The following ZFHX3 variants were observed in gnomAD, a reference collection of about 807,000 sequenced individuals.
The protein encoded by ZFHX3 is zinc finger homeobox protein 3.
ZFHX3 carries 42 observed loss-of-function variants against 279.1 expected under a neutral mutation model. That is an observed-to-expected ratio of 0.15 (90% CI 0.12 to 0.19). The LOEUF (loss-of-function observed/expected upper bound fraction) is 0.19. ZFHX3 is among the 10% of genes least tolerant of loss of function. The pLI is 1.00. For synonymous variants in ZFHX3, 2,293 were observed against 1,957.8 expected, an observed-to-expected ratio of 1.17 and a Z score of -4.52; for missense variants, 4,981 against 4,754.0, an observed-to-expected ratio of 1.05 and a Z score of -1.40.
chr16:73,362,752 A>G lies in ZFHX3; in HGVS notation c.-1290-44416T>C, dbSNP rs552561701. Among the ~76,000 whole-genome samples, 20 of 152,372 alleles carry G rather than the reference A, an allele frequency of 1.3e-4. No homozygotes were observed. In the South Asian group the frequency reaches 4.1e-3, roughly 32 times the overall value. ...CCATCCTTATCTCCTGGAGGTGAAA[A>G]TGAATAATAACATCACTCTAATGTG... On this transcript the variant is annotated intron_variant, in intron 3 of 17. Coordinates refer to the ZFHX3 transcript ENST00000641206.
chr16:73,310,423 G>A (rs916652346), intron 4 of ZFHX3, among the ~76,000 whole-genome samples: 3 of 152,152 alleles, frequency 2.0e-5, no homozygotes, highest in African/African-American at 7.2e-5. Flanking sequence ...GTCTGCACTC[G>A]GGGTCACTGC....
intron 3 of ZFHX3, among the ~76,000 whole-genome samples, chr16:73,358,108 C>G: frequency 6.6e-6 from 1 of 152,214 alleles, no homozygotes; most frequent in East Asian, 1.9e-4. Flanking sequence ...CTGTATCTGT[C>G]AAGTGTCAGC....
At chr16:73,750,398 T>C (rs929793335) in intron 1 of ZFHX3, among the ~76,000 whole-genome samples, 2 of 152,204 alleles carry the variant, frequency 1.3e-5, no homozygotes, top group Non-Finnish European at 2.9e-5. Flanking sequence ...ACTATTATCA[T>C]GATAATCGCA....
chr16:73,420,571 T>G (rs901637538), intron 3 of ZFHX3: 1 of 152,250 alleles, frequency 6.6e-6, no homozygotes, highest in South Asian at 2.1e-4. Flanking sequence ...CAAGACGGAA[T>G]AACCCTGCTT....
intron 1 of ZFHX3, among the ~76,000 whole-genome samples, chr16:73,007,213 C>T (rs1963738277): frequency 6.6e-6 from 1 of 152,176 alleles, no homozygotes; most frequent in Non-Finnish European, 1.5e-5. Flanking sequence ...TTTTATCTGG[C>T]ATTTTTGCAT....
At chr16:73,115,660 G>A (rs7187836) in intron 7 of ZFHX3, among the ~76,000 whole-genome samples, 1 of 151,882 alleles carries the variant, frequency 6.6e-6, no homozygotes, top group African/African-American at 2.4e-5. Context: ...AAGGGCAGGC[G>A]TAGGGCTAGA....
chr16:73,622,777 G>C (rs1420009299), intron 2 of ZFHX3, among the ~76,000 whole-genome samples: 1 of 152,140 alleles, frequency 6.6e-6, no homozygotes, highest in Admixed American at 6.5e-5. Context: ...CCCTGCAAGA[G>C]GGACCCTGAA....
At chr16:73,257,553 C>G (rs1221569327) in intron 4 of ZFHX3, among the ~76,000 whole-genome samples, 1 of 152,184 alleles carries the variant, frequency 6.6e-6, no homozygotes, top group Non-Finnish European at 1.5e-5. Context: ...GAAGGCAAGC[C>G]AAGAAGAGTG....
chr16:73,158,271 G>C (rs1259792339), intron 5 of ZFHX3, among the ~76,000 whole-genome samples: 1 of 152,052 alleles, frequency 6.6e-6, no homozygotes, highest in Non-Finnish European at 1.5e-5. Context: ...CCAGCCAGGA[G>C]TTCAGGAGAT....
intron 1 of ZFHX3, among the ~76,000 whole-genome samples, chr16:73,886,966 G>A (rs2030366948): frequency 6.6e-6 from 1 of 152,134 alleles, no homozygotes; most frequent in Admixed American, 6.5e-5. Context: ...GCCCTTAGGT[G>A]ATGAGAAAAT....
chr16:73,723,342 T>C (rs967651474), intron 1 of ZFHX3, among the ~76,000 whole-genome samples: 4 of 152,240 alleles, frequency 2.6e-5, no homozygotes, highest in African/African-American at 4.8e-5. Flanking sequence ...ATAATGATAT[T>C]GATTCCAGTG....
intron 5 of ZFHX3, among the ~76,000 whole-genome samples, chr16:73,166,123 A>G (rs1967359421): frequency 6.6e-6 from 1 of 152,188 alleles, no homozygotes; most frequent in African/African-American, 2.4e-5. Context: ...ATTGGACCTA[A>G]GTAAATTATT....
chr16:73,555,266 T>G (rs1348145211), intron 2 of ZFHX3, among the ~76,000 whole-genome samples: 1 of 152,048 alleles, frequency 6.6e-6, no homozygotes, highest in African/African-American at 2.4e-5. Context: ...GCGATTCTCC[T>G]GCCTCAGCCT....
chr16:72,835,994 A>G (rs1451484201), intron 4 of ZFHX3, among the ~76,000 whole-genome samples: 2 of 152,192 alleles, frequency 1.3e-5, no homozygotes, highest in East Asian at 3.8e-4. Context: ...TAAGGCCTAG[A>G]CCACTTATTT....
At chr16:72,866,826 C>A (rs1372596164) in intron 4 of ZFHX3, among the ~76,000 whole-genome samples, 5 of 152,116 alleles carry the variant, frequency 3.3e-5, no homozygotes, top group African/African-American at 1.2e-4. Flanking sequence ...CACAACAACC[C>A]CACCCATTCA....
intron 2 of ZFHX3, among the ~76,000 whole-genome samples, chr16:73,473,370 AAAC>A (rs2018709549): frequency 1.3e-5 from 2 of 151,028 alleles, no homozygotes; most frequent in African/African-American, 4.9e-5. Context: ...AAAAAAAAAA[AAAC>A]AAAATAATAA....
chr16:72,838,412 G>A (rs577331026), intron 4 of ZFHX3, among the ~76,000 whole-genome samples: 1 of 152,280 alleles, frequency 6.6e-6, no homozygotes, highest in Admixed American at 6.5e-5. Flanking sequence ...ATGCAAGCCT[G>A]GGGGAGCCTC....
chr16:73,512,055 A>C (rs1488973086), intron 2 of ZFHX3, among the ~76,000 whole-genome samples: 1 of 152,092 alleles, frequency 6.6e-6, no homozygotes, highest in Non-Finnish European at 1.5e-5. Context: ...AAGTGGAGAA[A>C]TAAGTGTCTG....
rs78022611 is a variant in ZFHX3 at position 73,253,365 on chromosome 16, A to C, written c.-1104+3682T>G. Among the ~76,000 whole-genome samples the C allele has an allele frequency of 6.6e-3, 998 of 152,268 alleles. 11 individuals carry two copies. Among genetic ancestry groups the C allele is most frequent in the African/African-American group, 0.023 (959 of 41,556 alleles). On this transcript the variant is annotated intron_variant, in intron 5 of 17. Transcript: ENST00000641206. ...GAAATCAATGGAAAGAGAAAGTTAA[A>C]TACACCAAGGAACCCTGAGGACCAC...
Sources: allele counts gnomAD v4.1 joint callset (sites outside exome capture counted in the v4.1 genomes callset), GRCh38; gene constraint gnomAD v4.1.1; transcripts MANE v1.5; gene names NCBI Gene and HGNC (gene_info 2026-07-23, HGNC 2026-07-21).